Variants in PDLIM5 observed in about 807,000 individuals in gnomAD.
PDLIM5 encodes the protein PDZ and LIM domain 5.
A neutral mutation model predicts 64.2 loss-of-function variants in PDLIM5; 34 were observed. The ratio of observed to expected loss-of-function variants is 0.53; its 90% CI spans 0.40 to 0.71. The LOEUF (loss-of-function observed/expected upper bound fraction) is 0.71. PDLIM5 is among the 30% of genes least tolerant of loss of function. The pLI, the probability that PDLIM5 is intolerant of heterozygous loss-of-function variation, is 0.00. For synonymous variants in PDLIM5, 253 were observed against 269.1 expected (o/e 0.94, Z 0.59); for missense variants, 683 against 733.6 (o/e 0.93, Z 0.80).
intron 3 of PDLIM5, among the ~76,000 whole-genome samples, chr4:94,543,674 TTGTC>T (rs1473782974): frequency 6.6e-6 from 1 of 152,060 alleles, no homozygotes; most frequent in African/African-American, 2.4e-5. Flanking sequence ...CATGCGGTAT[TTGTC>T]TGTGTGTGGC....
At chr4:94,460,716 A>G (rs367823740) in intron 2 of PDLIM5, among the ~76,000 whole-genome samples, 5 of 152,276 alleles carry the variant, frequency 3.3e-5, no homozygotes, top group African/African-American at 1.2e-4. Flanking sequence ...TGAGTTAGGT[A>G]TATCTACCTA....
chr4:94,504,488 T>C (rs1728213469), intron 2 of PDLIM5, among the ~76,000 whole-genome samples: 2 of 152,190 alleles, frequency 1.3e-5, no homozygotes, highest in Non-Finnish European at 2.9e-5. Context: ...GGTTTCGCCA[T>C]GTTGGCCAGG....
chr4:94,575,604 T>G lies in PDLIM5; in HGVS notation c.292-12T>G. 1 of 1,514,694 alleles carries G rather than the reference T, an allele frequency of 6.6e-7. No homozygotes were observed. Among genetic ancestry groups the G allele is most frequent in the Non-Finnish European group, 8.9e-7 (1 of 1,123,868 alleles). The allele number at this position is 1,514,694 out of a possible 1,614,324, so 93.8% of individuals were successfully genotyped here. On this transcript the variant is annotated splice_polypyrimidine_tract_variant and intron_variant, in intron 4 of 12. Transcript: ENST00000317968. ...GTGTGGTTTTGTGTATGTTTATTTT[T>G]GTTTTACATAGGGAGAACCTAAAGA...
chr4:94,564,909 G>C (rs908438491), intron 3 of PDLIM5, among the ~76,000 whole-genome samples: 1 of 152,014 alleles, frequency 6.6e-6, no homozygotes, highest in Non-Finnish European at 1.5e-5. Context: ...GCCCGCCTCG[G>C]CCTCCCAAAG....
chr4:94,595,554 G>A (rs1737006343), intron 7 of PDLIM5, among the ~76,000 whole-genome samples: 1 of 152,126 alleles, frequency 6.6e-6, no homozygotes, highest in Non-Finnish European at 1.5e-5. Context: ...TATTACCTTT[G>A]TACATTCATT....
Position 94,611,209 on chromosome 4 carries a change from G to A in PDLIM5, c.921-6795G>A, listed in dbSNP as rs996176000. On this transcript the variant is annotated intron_variant, in intron 7 of 12. Transcript: ENST00000317968. The stretch of plus-strand genomic sequence containing the variant: ...CATGTTAAGAAAACAAGGTACTGTG[G>A]GAGCAGATATGGCAAGTGGTGGTTC... 7 of 1,532,962 alleles carry A rather than the reference G, an allele frequency of 4.6e-6. No individual in the cohort carries two copies. In the Admixed American group the frequency reaches 9.8e-5, roughly 22 times the overall value. The allele number at this position is 1,532,962 out of a possible 1,614,324, so 95.0% of individuals were successfully genotyped here. A position where few individuals can be genotyped will look rare whatever the true frequency, so the allele number is the denominator to read the frequency against.
intron 9 of PDLIM5, 45 bp downstream of exon 9, chr4:94,640,495 G>GT: frequency 1.1e-6 from 1 of 932,998 alleles, no homozygotes; most frequent in East Asian, 3.0e-5. Context: ...TAATATCAAT[G>GT]TTGGGTTTTT....
At chr4:94,653,722 A>T (rs760305918) in intron 9 of PDLIM5, among the ~76,000 whole-genome samples, 2 of 152,172 alleles carry the variant, frequency 1.3e-5, no homozygotes, top group Non-Finnish European at 2.9e-5. Context: ...TAACAATACT[A>T]CATTGTACTC....
intron 8 of PDLIM5, among the ~76,000 whole-genome samples, chr4:94,620,212 CA>C (rs1739110619): frequency 6.6e-6 from 1 of 152,142 alleles, no homozygotes; most frequent in African/African-American, 2.4e-5. Flanking sequence ...CGTTCTTCAT[CA>C]GTTTTGAGAT....
At chr4:94,600,506 TA>T (rs1259659242) in intron 7 of PDLIM5, among the ~76,000 whole-genome samples, 12 of 152,242 alleles carry the variant, frequency 7.9e-5, no homozygotes, top group African/African-American at 2.7e-4. Flanking sequence ...CACTATTTAT[TA>T]AATAATACAT....
At chr4:94,522,264 AG>A (rs1417403225) in intron 2 of PDLIM5, among the ~76,000 whole-genome samples, 1 of 152,240 alleles carries the variant, frequency 6.6e-6, no homozygotes, top group Non-Finnish European at 1.5e-5. Context: ...AGTGGCGTAT[AG>A]CTCACTCGCT....
intron 2 of PDLIM5, chr4:94,455,787 A>G: frequency 6.6e-7 from 1 of 1,518,836 alleles, no homozygotes; most frequent in Non-Finnish European, 8.8e-7. Context: ...TCAAAATTGA[A>G]TAAAATGATT....
At chr4:94,582,924 C>A in intron 5 of PDLIM5, 2 of 533,780 alleles carry the variant, frequency 3.7e-6, no homozygotes, top group Non-Finnish European at 6.6e-6. Context: ...TTAGAACACC[C>A]ACACTTCTGT....
chr4:94,661,791 A>G (rs116112399), intron 11 of PDLIM5, among the ~76,000 whole-genome samples: 40 of 150,718 alleles, frequency 2.7e-4, no homozygotes, highest in African/African-American at 9.7e-4. Context: ...CAGAACAGTC[A>G]TGTCTACTGA....
chr4:94,488,646 A>G (rs1726568955), intron 2 of PDLIM5, among the ~76,000 whole-genome samples: 1 of 152,196 alleles, frequency 6.6e-6, no homozygotes, highest in Non-Finnish European at 1.5e-5. Context: ...AAGAAAACAC[A>G]TATCCATAAA....
intron 8 of PDLIM5, among the ~76,000 whole-genome samples, chr4:94,622,148 TAAC>T (rs1739286912): frequency 6.6e-6 from 1 of 152,142 alleles, no homozygotes; most frequent in Non-Finnish European, 1.5e-5. Flanking sequence ...TTAAAGACAA[TAAC>T]AACAACAAAA....
At chr4:94,615,448 T>C (rs186600216) in intron 7 of PDLIM5, among the ~76,000 whole-genome samples, 9,647 of 152,092 alleles carry the variant, frequency 0.063, 1,043 homozygotes, top group African/African-American at 0.22. Context: ...TCTATTATTA[T>C]TAATTATGGA....
At chr4:94,452,229 C>T (rs1461225033) in intron 1 of PDLIM5, among the ~76,000 whole-genome samples, 1 of 152,172 alleles carries the variant, frequency 6.6e-6, no homozygotes, top group Non-Finnish European at 1.5e-5. Context: ...CGCATGAGGC[C>T]AGAGGGCGAG....
At chr4:94,573,459 T>TG (rs779975367) in intron 4 of PDLIM5, 66 bp downstream of exon 4, 14 of 1,191,848 alleles carry the variant, frequency 1.2e-5, no homozygotes, top group South Asian at 1.1e-4. Context: ...GTAATTCCCA[T>TG]TACTGTCTCA....
Sources: allele counts gnomAD v4.1 joint callset (sites outside exome capture counted in the v4.1 genomes callset), GRCh38; gene constraint gnomAD v4.1.1; transcripts MANE v1.5; gene names NCBI Gene and HGNC (gene_info 2026-07-23, HGNC 2026-07-21).